The following LRP1B variants were observed in gnomAD, a reference collection of about 807,000 sequenced individuals.
The protein encoded by LRP1B is LDL receptor related protein 1B, also known as low-density lipoprotein receptor-related protein 1B.
Under a neutral mutation model 556.6 loss-of-function variants are expected in LRP1B, and 217 were observed. That is an observed-to-expected ratio of 0.39 (90% CI 0.35 to 0.44). LRP1B has a LOEUF of 0.44. Among genes scored for constraint, LRP1B ranks in the 20% least tolerant of loss-of-function variants. The pLI is 1.00. For missense variants in LRP1B, 5,053 were observed against 5,620.8 expected, an observed-to-expected ratio of 0.90 and a Z score of 3.23; for synonymous variants, 2,047 against 1,865.8, an observed-to-expected ratio of 1.10 and a Z score of -2.50.
intron 58 of LRP1B, among the ~76,000 whole-genome samples, chr2:140,486,405 C>T (rs987374924): frequency 2.6e-5 from 4 of 151,718 alleles, no homozygotes; most frequent in African/African-American, 7.3e-5. Context: ...TTCTTTTACC[C>T]ACCACATTTC....
At chr2:140,351,212 C>T (rs1047290606) in intron 76 of LRP1B, among the ~76,000 whole-genome samples, 174 bp from the exon 77 acceptor site, 1 of 151,962 alleles carries the variant, frequency 6.6e-6, no homozygotes, top group Non-Finnish European at 1.5e-5. Context: ...CTGATACTCA[C>T]TTATCTAAAC....
rs558133745 is a variant in LRP1B, at chr2:140,920,259, G to C, written c.3319+2706C>G. Among the ~76,000 whole-genome samples, 93 of 152,126 alleles carry C rather than the reference G, an allele frequency of 6.1e-4. 1 individual carries two copies. The highest frequency in any genetic ancestry group is 2.2e-3 in the African/African-American group (93 of 41,564). The stretch of plus-strand genomic sequence containing the variant: ...TCTTGGTCAAAAATAGGTCCTTTGA[G>C]ATTAGAAGTTCTTAAGTCCTGACTG... On this transcript the variant is annotated intron_variant, in intron 21 of 90. Coordinates refer to ENST00000389484, the MANE Select transcript of LRP1B (RefSeq NM_018557.3).
intron 7 of LRP1B, among the ~76,000 whole-genome samples, chr2:141,136,975 T>C (rs986206619): frequency 6.6e-6 from 1 of 151,916 alleles, no homozygotes; most frequent in African/African-American, 2.4e-5. Context: ...GAGATTAAAT[T>C]ATGAAATCCA....
intron 2 of LRP1B, among the ~76,000 whole-genome samples, chr2:141,512,486 G>A (rs1337546712): frequency 6.6e-6 from 1 of 152,132 alleles, no homozygotes; most frequent in African/African-American, 2.4e-5. Context: ...GTCAAAAAAT[G>A]GAAATGATTG....
chr2:140,608,775 G>A (rs1682961958), intron 41 of LRP1B, among the ~76,000 whole-genome samples: 2 of 152,194 alleles, frequency 1.3e-5, no homozygotes, highest in South Asian at 4.1e-4. Flanking sequence ...TGCCCTGAAA[G>A]AGTATTGAAG....
At chr2:141,998,407 T>C (rs577311506) in intron 1 of LRP1B, among the ~76,000 whole-genome samples, 38 of 152,354 alleles carry the variant, frequency 2.5e-4, no homozygotes, top group African/African-American at 8.2e-4. Flanking sequence ...GATACCGTAC[T>C]TCTAATGTTA....
At chr2:141,671,031 A>G (rs1209117516) in intron 2 of LRP1B, among the ~76,000 whole-genome samples, 1 of 152,188 alleles carries the variant, frequency 6.6e-6, no homozygotes, top group Non-Finnish European at 1.5e-5. Flanking sequence ...AAAGATTGAC[A>G]TCTTTTCATT....
chr2:141,722,518 T>C (rs1692860575), intron 2 of LRP1B, among the ~76,000 whole-genome samples: 1 of 152,188 alleles, frequency 6.6e-6, no homozygotes, highest in South Asian at 2.1e-4. Context: ...TGTTAATTTA[T>C]TGGTGATCTT....
intron 20 of LRP1B, among the ~76,000 whole-genome samples, chr2:140,930,089 A>G (rs1695006882): frequency 6.6e-6 from 1 of 152,038 alleles, no homozygotes; most frequent in South Asian, 2.1e-4. Context: ...GGTTCCCCAG[A>G]GTCCCAGTTT....
At position 140,601,512 on chromosome 2, in the gene LRP1B, T is replaced by A. The variant is rs758455657; in HGVS notation, c.6927A>T (p.Glu2309Asp). Residue 2309 changes from glutamate to aspartate, a missense_variant, in exon 42 of 91, where the codon GAA becomes GAT. Glu to Asp is a conservative substitution (Grantham distance 45). This residue lies in a region of LRP1B where 3,619 missense variants were observed against 3,931.9 expected (regional missense o/e 0.92). Coordinates refer to ENST00000389484, the MANE Select transcript of LRP1B (RefSeq NM_018557.3). ...CATCTTCTGACATGGTGATGACAGC[T>A]TCCCTGTCAAATGCTCCAGGCCGAG... The part of the protein sequence containing the change: ...DQTRPGAFDR[E>D]AVITMSEDDH... 3 of 1,613,126 alleles carry A rather than the reference T, an allele frequency of 1.9e-6. No individual in the cohort carries two copies. The African/African-American group carries it at 4.0e-5, about 22-fold the overall frequency.
At chr2:141,692,446 C>T (rs555665462) in intron 2 of LRP1B, among the ~76,000 whole-genome samples, 1 of 152,064 alleles carries the variant, frequency 6.6e-6, no homozygotes, top group South Asian at 2.1e-4. Flanking sequence ...TTCTTTGTTC[C>T]ACTTAACCAA....
At chr2:140,589,173 C>G (rs1004076875) in intron 43 of LRP1B, among the ~76,000 whole-genome samples, 11 of 151,932 alleles carry the variant, frequency 7.2e-5, no homozygotes, top group Admixed American at 3.3e-4. Flanking sequence ...AAGCATGAAC[C>G]ATGACAAAGA....
rs545938702 is a variant in LRP1B at position 140,285,175 on chromosome 2, A to G, written c.12968-10577T>C. Among the ~76,000 whole-genome samples, 97 of 149,800 alleles carry G rather than the reference A, an allele frequency of 6.5e-4. 2 individuals carry two copies. Among genetic ancestry groups the G allele is most frequent in the Non-Finnish European group, 1.0e-4 (7 of 67,070 alleles). ...TATATATGTGTGTGTAGATACATAT[A>G]CATATCTACATCTATATCTATATAT... On this transcript the variant is annotated intron_variant, in intron 84 of 90. Coordinates refer to ENST00000389484, the MANE Select transcript of LRP1B (RefSeq NM_018557.3).
At chr2:140,389,163 C>T (rs908567991) in intron 66 of LRP1B, among the ~76,000 whole-genome samples, 2 of 151,912 alleles carry the variant, frequency 1.3e-5, no homozygotes, top group African/African-American at 4.8e-5. Context: ...CATATTATCA[C>T]ATAATATATG....
chr2:141,036,895 G>T (rs1698549667), intron 11 of LRP1B, among the ~76,000 whole-genome samples: 1 of 151,930 alleles, frequency 6.6e-6, no homozygotes, highest in Non-Finnish European at 1.5e-5. Context: ...GGATGGGGCA[G>T]AAAATTATCT....
intron 1 of LRP1B, among the ~76,000 whole-genome samples, chr2:141,926,464 C>G (rs1700336249): frequency 6.6e-6 from 1 of 152,128 alleles, no homozygotes; most frequent in Non-Finnish European, 1.5e-5. Flanking sequence ...TATTCCAGAT[C>G]TGAAAACTCT....
chr2:141,608,486 G>A (rs1687995071), intron 2 of LRP1B, among the ~76,000 whole-genome samples: 1 of 152,086 alleles, frequency 6.6e-6, no homozygotes, highest in African/African-American at 2.4e-5. Flanking sequence ...AGAGATCCAG[G>A]TCACCATTGT....
At chr2:140,268,117 T>C (rs1005203985) in intron 86 of LRP1B, among the ~76,000 whole-genome samples, 4 of 151,958 alleles carry the variant, frequency 2.6e-5, no homozygotes, top group Non-Finnish European at 5.9e-5. Context: ...AAATGAAGAC[T>C]GGGATTCAGG....
intron 1 of LRP1B, among the ~76,000 whole-genome samples, chr2:142,035,738 C>T (rs1296065823): frequency 6.6e-6 from 1 of 151,562 alleles, no homozygotes; most frequent in Non-Finnish European, 1.5e-5. Flanking sequence ...CAACTTTGCC[C>T]AAATCAGTTC....
Sources: gnomAD v4.1 joint callset for allele counts (sites outside exome capture counted in the v4.1 genomes callset) on GRCh38, gnomAD v4.1.1 for gene constraint, gnomAD v4.1.1 regional missense constraint, MANE v1.5 for transcripts, NCBI Gene and HGNC (gene_info 2026-07-23, HGNC 2026-07-21) for gene names.